Variants in DCDC2C observed in about 807,000 individuals in gnomAD.
DCDC2C encodes the protein doublecortin domain containing 2C.
Under a neutral mutation model 45.0 loss-of-function variants are expected in DCDC2C, and 44 were observed. The observed-to-expected ratio is 0.98, with a 90% confidence interval of 0.77 to 1.26. The LOEUF is 1.26. DCDC2C is among the 50% of genes most tolerant of loss of function. The probability of loss-of-function intolerance (pLI) is 0.00; values close to 1 mark genes in which losing one functional copy is unlikely to be tolerated. For synonymous variants in DCDC2C, 187 were observed against 178.8 expected (o/e 1.05, Z -0.37); for missense variants, 447 against 468.9 (o/e 0.95, Z 0.43).
At chr2:3,784,760 T>C (rs2148181202) in intron 9 of DCDC2C, among the ~76,000 whole-genome samples, 1 of 151,706 alleles carries the variant, frequency 6.6e-6, no homozygotes, top group South Asian at 2.1e-4. Context: ...TGAAAAAAAA[T>C]CAAAGTGTAA....
chr2:3,746,353 C>T (rs972937286), intron 4 of DCDC2C, among the ~76,000 whole-genome samples: 2 of 152,134 alleles, frequency 1.3e-5, no homozygotes, highest in Non-Finnish European at 2.9e-5. Flanking sequence ...CTCACCTAGG[C>T]CAGGCCCTGG....
intron 6 of DCDC2C, among the ~76,000 whole-genome samples, chr2:3,757,664 G>A (rs1669758764): frequency 6.6e-6 from 1 of 152,206 alleles, no homozygotes; most frequent in Non-Finnish European, 1.5e-5. Flanking sequence ...ACACAAAGAT[G>A]AGTGGAGTGT....
At chr2:3,731,379 G>A (rs1195554516) in intron 3 of DCDC2C, among the ~76,000 whole-genome samples, 1 of 152,174 alleles carries the variant, frequency 6.6e-6, no homozygotes, top group Non-Finnish European at 1.5e-5. Context: ...CACTGGCCAC[G>A]TGACAGGAGC....
chr2:3,765,339 AG>A (rs1669983268), intron 6 of DCDC2C, among the ~76,000 whole-genome samples: 1 of 152,188 alleles, frequency 6.6e-6, no homozygotes, highest in Non-Finnish European at 1.5e-5. Flanking sequence ...TAGTTATGTC[AG>A]GGTGTCATAG....
intron 2 of DCDC2C, among the ~76,000 whole-genome samples, chr2:3,718,470 T>C (rs796415744): frequency 1.2e-4 from 18 of 152,226 alleles, no homozygotes; most frequent in African/African-American, 4.3e-4. Flanking sequence ...ATAAATCAAG[T>C]GTGTGGCTGT....
chr2:3,755,778 G>T (rs982472632), intron 6 of DCDC2C, among the ~76,000 whole-genome samples: 1 of 152,010 alleles, frequency 6.6e-6, no homozygotes, highest in Non-Finnish European at 1.5e-5. Flanking sequence ...AAATACATAT[G>T]TATGTTTGGA....
At chr2:3,791,428 A>T (rs1563174) in intron 10 of DCDC2C, among the ~76,000 whole-genome samples, 53,999 of 152,024 alleles carry the variant, frequency 0.36, 10,099 homozygotes, top group East Asian at 0.52. Context: ...CCATGGAAGC[A>T]GTTTTGTTGT....
intron 10 of DCDC2C, among the ~76,000 whole-genome samples, chr2:3,802,239 A>C (rs534429380): frequency 1.2e-3 from 185 of 152,332 alleles, no homozygotes; most frequent in African/African-American, 4.3e-3. Context: ...TAAGTAAATA[A>C]AAGCTGTCCT....
At chr2:3,726,930 G>GCA in intron 2 of DCDC2C, 73 bp from the exon 3 acceptor site, 3 of 1,348,996 alleles carry the variant, frequency 2.2e-6, no homozygotes, top group Non-Finnish European at 3.1e-6. Flanking sequence ...GGGCAGTGCT[G>GCA]TGCACACTGT....
chr2:3,796,942 T>C (rs142807876), intron 10 of DCDC2C, among the ~76,000 whole-genome samples: 1 of 152,152 alleles, frequency 6.6e-6, no homozygotes, highest in African/African-American at 2.4e-5. Context: ...TCAGAAGGAA[T>C]GGTACCAGTT....
chr2:3,757,014 A>G (rs1384037975), intron 6 of DCDC2C, among the ~76,000 whole-genome samples: 1 of 152,216 alleles, frequency 6.6e-6, no homozygotes, highest in Non-Finnish European at 1.5e-5. Flanking sequence ...ATTGTTCCAT[A>G]TATAAAGGTC....
At chr2:3,811,143 G>A (rs559583981) in intron 10 of DCDC2C, among the ~76,000 whole-genome samples, 3 of 152,212 alleles carry the variant, frequency 2.0e-5, no homozygotes, top group South Asian at 2.1e-4. Context: ...TGATGAGAAG[G>A]GCATTGAATC....
chr2:3,832,747 AG>A (rs1441443335), intron 10 of DCDC2C, among the ~76,000 whole-genome samples: 1 of 152,206 alleles, frequency 6.6e-6, no homozygotes, highest in African/African-American at 2.4e-5. Flanking sequence ...CCCAGCACTG[AG>A]CGCAGGGCTC....
At chr2:3,744,569 C>T (rs941296102) in intron 4 of DCDC2C, among the ~76,000 whole-genome samples, 1 of 152,156 alleles carries the variant, frequency 6.6e-6, no homozygotes, top group Non-Finnish European at 1.5e-5. Context: ...AGGAGGCCGC[C>T]GTGGGCAGTG....
rs1353122887 is a variant in DCDC2C at position 3,813,059 on chromosome 2, ATATATATATTTT to A, written c.1065+27961_1065+27972del. Among the ~76,000 whole-genome samples the A allele has an allele frequency of 6.1e-3, 290 of 47,808 alleles. 4 individuals are homozygous for A. Among genetic ancestry groups the A allele is most frequent in the East Asian group, 0.021 (37 of 1,724 alleles). The allele number at this position is 47,808 out of a possible 152,430, so 31.4% of individuals were successfully genotyped here. The stretch of plus-strand genomic sequence containing the variant: ...AGAACGTATATATATATATATATAT[ATATATATATTTT>A]TTTTTTTTTGCTGTTTTTGAGATGG... On this transcript the variant is annotated intron_variant, in intron 10 of 10. Coordinates refer to ENST00000399143, the MANE Select transcript of DCDC2C (RefSeq NM_001287444.2).
chr2:3,814,112 G>C (rs955179357), intron 10 of DCDC2C, among the ~76,000 whole-genome samples: 2 of 152,066 alleles, frequency 1.3e-5, no homozygotes, highest in Non-Finnish European at 2.9e-5. Flanking sequence ...ACATCCTGAA[G>C]TGTGTTTTCC....
intron 10 of DCDC2C, among the ~76,000 whole-genome samples, chr2:3,820,615 C>T (rs549653183): frequency 5.9e-5 from 9 of 152,252 alleles, no homozygotes; most frequent in East Asian, 5.8e-4. Flanking sequence ...TTCCCAAGTC[C>T]GTGACCGGTG....
At chr2:3,833,898 T>C (rs750782993) in intron 10 of DCDC2C, among the ~76,000 whole-genome samples, 3 of 152,230 alleles carry the variant, frequency 2.0e-5, no homozygotes, top group Non-Finnish European at 2.9e-5. Context: ...TGGAGATAAG[T>C]AGCAGTCTTC....
At chr2:3,777,548 G>T (rs150292252) in intron 8 of DCDC2C, among the ~76,000 whole-genome samples, 37 of 152,286 alleles carry the variant, frequency 2.4e-4, no homozygotes, top group African/African-American at 8.4e-4. Context: ...TTGACATTAT[G>T]TTGATTATTC....
Sources: gnomAD v4.1 joint callset for allele counts (sites outside exome capture counted in the v4.1 genomes callset) on GRCh38, gnomAD v4.1.1 for gene constraint, MANE v1.5 for transcripts, NCBI Gene and HGNC (gene_info 2026-07-23, HGNC 2026-07-21) for gene names.